The following BPIFB6 variants were observed in gnomAD, a reference collection of about 807,000 sequenced individuals.
BPIFB6 encodes the protein BPI fold containing family B member 6.
A neutral mutation model predicts 54.7 loss-of-function variants in BPIFB6; 47 were observed. That is an observed-to-expected ratio of 0.86 (90% CI 0.68 to 1.10). The LOEUF (loss-of-function observed/expected upper bound fraction) is 1.10, where lower values mean the gene tolerates loss of function less well. Ranked by LOEUF, BPIFB6 falls within the 50% of genes least tolerant of loss-of-function variation. The pLI is 0.00. For synonymous variants in BPIFB6, 255 were observed against 225.9 expected, an observed-to-expected ratio of 1.13 and a Z score of -1.16; for missense variants, 603 against 564.1, an observed-to-expected ratio of 1.07 and a Z score of -0.70.
intron 7 of BPIFB6, among the ~76,000 whole-genome samples, chr20:33,037,341 G>A (rs1303121782): frequency 1.3e-5 from 2 of 152,190 alleles, no homozygotes; most frequent in Admixed American, 1.3e-4. Context: ...GAAAGTGCCC[G>A]TGGTTTAGTG....
chr20:33,037,093 G>A (rs1294831566), intron 7 of BPIFB6, among the ~76,000 whole-genome samples: 1 of 151,984 alleles, frequency 6.6e-6, no homozygotes, highest in East Asian at 1.9e-4. Flanking sequence ...GTCAGAGTTG[G>A]GCCCTCACCC....
At chr20:33,043,190 A>G in intron 13 of BPIFB6, 101 bp from the exon 14 acceptor site, 1 of 1,028,710 alleles carries the variant, frequency 9.7e-7, no homozygotes, top group Non-Finnish European at 1.5e-6. Flanking sequence ...GGCATCATGA[A>G]TCAATCACTG....
At chr20:33,033,722 T>C in intron 2 of BPIFB6, 2 of 446,402 alleles carry the variant, frequency 4.5e-6, no homozygotes, top group South Asian at 1.6e-5. Flanking sequence ...CATTTTTCAT[T>C]GTCACAAGTT....
At chr20:33,040,207 G>A (rs954493763) in intron 10 of BPIFB6, 44 bp from the exon 11 acceptor site, 3 of 1,581,056 alleles carry the variant, frequency 1.9e-6, no homozygotes, top group African/African-American at 2.7e-5. Flanking sequence ...CCCTGATGGT[G>A]GGGAACCCAC....
Position 33,039,492 on chromosome 20 carries a change from C to A in BPIFB6, c.1046C>A (p.Ala349Asp), listed in dbSNP as rs769231359. 27 of 1,612,398 alleles carry A rather than the reference C, an allele frequency of 1.7e-5. No individual in the cohort carries two copies. In the Admixed American group the frequency reaches 4.5e-4, roughly 27 times the overall value. Residue 349 changes from alanine to aspartate, a missense_variant, in exon 10 of 15, where the codon GCT (alanine) becomes GAT (aspartate). Coordinates refer to ENST00000349552, the MANE Select transcript of BPIFB6 (RefSeq NM_174897.2). ...TTCGCAGCTCGGTGGCGGAGCAAGG[C>A]TCCAATGTCCCTCTTTCTCCTAGAA... ...EMFAARWRSKAPMSLFLLEVH... is the reference protein window; with the variant it reads ...EMFAARWRSKDPMSLFLLEVH...
chr20:33,032,938 T>A (rs768540121), intron 1 of BPIFB6, 46 bp from the exon 2 acceptor site: 1 of 1,486,840 alleles, frequency 6.7e-7, no homozygotes, highest in South Asian at 1.1e-5. Context: ...GATACCTGAG[T>A]GATTGGCCCA....
At chr20:33,035,175 C>A (rs372665492) in intron 5 of BPIFB6, 31 bp downstream of exon 5, 7 of 1,607,276 alleles carry the variant, frequency 4.4e-6, no homozygotes, top group Non-Finnish European at 6.0e-6. Flanking sequence ...CTCCACCCCT[C>A]GTTGCTGGGA....
intron 14 of BPIFB6, 48 bp from the exon 15 acceptor site, chr20:33,043,967 C>G (rs1856361206): frequency 6.2e-7 from 1 of 1,610,196 alleles, no homozygotes; most frequent in Non-Finnish European, 8.5e-7. Context: ...ATCCCTGGGC[C>G]TAGGTGGTCC....
chr20:33,042,184 C>A (rs1376957514), intron 12 of BPIFB6, among the ~76,000 whole-genome samples, 169 bp downstream of exon 12: 1 of 152,202 alleles, frequency 6.6e-6, no homozygotes, highest in Non-Finnish European at 1.5e-5. Context: ...AGTCCCTTAG[C>A]CTCTCTGAAT....
chr20:33,035,779 G>A, intron 6 of BPIFB6, 107 bp downstream of exon 6: 2 of 1,185,630 alleles, frequency 1.7e-6, no homozygotes, highest in Admixed American at 3.4e-5. Flanking sequence ...CCAGCCTTGG[G>A]ACTAGAGGAG....
At position 33,033,051 on chromosome 20, in the gene BPIFB6, G is replaced by A; in HGVS notation, c.165G>A (p.Gln55=). ...TGGCAGCCGAGGCAGGCAAGAAACA[G>A]CCAGGGATGAAACCTATCAAGGGCA... is the stretch of plus-strand genomic sequence containing the variant. ...EKMAAEAGKK[Q]PGMKPIKGIT... is the part of the protein sequence containing the mutation. The change falls in exon 2 of 15, where the codon CAG becomes CAA. Residue 55 remains glutamine, a synonymous_variant. Coordinates refer to ENST00000349552, the MANE Select transcript of BPIFB6 (RefSeq NM_174897.2). The A allele has an allele frequency of 1.2e-6, 2 of 1,614,082 alleles. No individual in the cohort carries two copies. The highest frequency in any genetic ancestry group is 2.2e-5 in the South Asian group (2 of 91,076).
At chr20:33,039,037 C>A in intron 9 of BPIFB6, 75 bp downstream of exon 9, 1 of 1,472,610 alleles carries the variant, frequency 6.8e-7, no homozygotes, top group Non-Finnish European at 9.4e-7. Context: ...TGCAGTGGGA[C>A]TTGGGAGACA....
chr20:33,036,870 C>A (rs1041469143), intron 7 of BPIFB6, among the ~76,000 whole-genome samples: 1 of 152,190 alleles, frequency 6.6e-6, no homozygotes, highest in Admixed American at 6.5e-5. Flanking sequence ...GAGCAGTGAC[C>A]TACCCAAGGC....
intron 6 of BPIFB6, 68 bp downstream of exon 6, chr20:33,035,740 C>T (rs1979310736): frequency 2.0e-6 from 3 of 1,500,166 alleles, no homozygotes; most frequent in African/African-American, 1.4e-5. Flanking sequence ...TTTGATGTCC[C>T]ATTCCCCATC....
At position 33,039,494 on chromosome 20, in the gene BPIFB6, C is replaced by T. The variant is rs1260861390; in HGVS notation, c.1048C>T (p.Pro350Ser). ...CGCAGCTCGGTGGCGGAGCAAGGCTCCAATGTCCCTCTTTCTCCTAGAAGT... is the reference window on the plus strand; with the variant it reads ...CGCAGCTCGGTGGCGGAGCAAGGCTTCAATGTCCCTCTTTCTCCTAGAAGT... ...MFAARWRSKA[P>S]MSLFLLEVHF... is the part of the protein sequence containing the mutation. Residue 350 changes from proline to serine, a missense_variant, in exon 10 of 15, where the codon CCA becomes TCA. Physicochemically the swap from Pro to Ser is moderately conservative, Grantham distance 74 (BLOSUM62 -1). Transcript: ENST00000349552. 1 of 1,611,952 alleles carries T rather than the reference C, an allele frequency of 6.2e-7. No homozygotes were observed. The highest frequency in any genetic ancestry group is 8.5e-7 in the Non-Finnish European group (1 of 1,179,370).
chr20:33,037,033 G>A (rs1179039930), intron 7 of BPIFB6, among the ~76,000 whole-genome samples: 1 of 152,110 alleles, frequency 6.6e-6, no homozygotes, highest in Non-Finnish European at 1.5e-5. Context: ...TGGGAACATT[G>A]AGACCTTGGG....
rs769565702 is a variant in BPIFB6, at chr20:33,031,669, G to A, written c.22G>A (p.Ala8Thr). 12 of 1,613,896 alleles carry A rather than the reference G, an allele frequency of 7.4e-6. No homozygotes were observed. The South Asian group carries it at 1.1e-4, about 15-fold the overall frequency. The part of the protein sequence containing the change: MLRILCL[A>T]LCSLLTGTRA... ...TGCCATGCTGCGGATCCTGTGCCTG[G>A]CACTCTGCAGCCTGCTGACTGGCAC... Residue 8 changes from alanine (A) to threonine (T), a missense_variant, in exon 1 of 15, where the codon GCA becomes ACA. By Grantham distance (58) the Ala-to-Thr change is moderately conservative (BLOSUM62 0). Coordinates refer to ENST00000349552, the MANE Select transcript of BPIFB6 (RefSeq NM_174897.2).
intron 11 of BPIFB6, 82 bp from the exon 12 acceptor site, chr20:33,041,888 A>AC (rs1314815239): frequency 1.5e-6 from 2 of 1,309,496 alleles, no homozygotes; most frequent in African/African-American, 2.9e-5. Flanking sequence ...GGTGCTTGGG[A>AC]CCCCCTTCTC....
At position 33,036,467 on chromosome 20, in the gene BPIFB6, G is replaced by T. The variant is rs1360198467; in HGVS notation, c.600G>T (p.Met200Ile). Residue 200 changes from methionine to isoleucine, a missense_variant, in exon 7 of 15, where the codon ATG becomes ATT. Transcript: ENST00000349552. Reference protein sequence around the residue: ...NLSDPMPVGQMGTVKYVLMSA... With the variant: ...NLSDPMPVGQIGTVKYVLMSA... ...CAGACCCCATGCCTGTGGGCCAGAT[G>T]GGCACCGTCAAATATGTTCTGATGT... 1 of 1,613,902 alleles carries T rather than the reference G, an allele frequency of 6.2e-7. No individual in the cohort carries two copies. The highest frequency in any genetic ancestry group is 8.5e-7 in the Non-Finnish European group (1 of 1,179,864).
Sources: gnomAD v4.1 joint callset for allele counts (sites outside exome capture counted in the v4.1 genomes callset) on GRCh38, gnomAD v4.1.1 for gene constraint, MANE v1.5 for transcripts, NCBI Gene and HGNC (gene_info 2026-07-23, HGNC 2026-07-21) for gene names.